Variants in TRIM60 observed in about 807,000 individuals in gnomAD.
The protein encoded by TRIM60 is tripartite motif-containing protein 60.
For synonymous variants in TRIM60, 189 were observed against 195.2 expected (o/e 0.97, Z 0.27); for missense variants, 524 against 540.8 (o/e 0.97, Z 0.31).
At position 165,041,507 on chromosome 4, in the gene TRIM60, T is replaced by C; in HGVS notation, c.*19T>C. ...AAGATAAGGAACTGGTAAATGGGTC[T>C]GTTTCAGTTTTTGTAGGTAACTTAG... On this transcript the variant is annotated 3_prime_UTR_variant, in exon 3 of 3. Transcript: ENST00000512596. 1.4e-6 allele frequency: 2 copies of C among 1,478,066 alleles called. No individual in the cohort carries two copies. Among genetic ancestry groups the C allele is most frequent in the Non-Finnish European group, 1.8e-6 (2 of 1,105,682 alleles). 91.6% of individuals were successfully genotyped at this position (1,478,066 alleles called of 1,614,324 possible). A position where few individuals can be genotyped will look rare whatever the true frequency, so the allele number is the denominator to read the frequency against.
At position 165,038,544 on chromosome 4, in the gene TRIM60, A is replaced by G. The variant is rs28545643; in HGVS notation, c.-56-657A>G. Reference sequence around the variant, plus strand: ...AAAAATTAGCTGGGCCTGGTGGCACAAGCCTGTGGTCGTGGTTACTCTGCA... The same window carrying G: ...AAAAATTAGCTGGGCCTGGTGGCACGAGCCTGTGGTCGTGGTTACTCTGCA... On this transcript the variant is annotated intron_variant, in intron 1 of 2. Transcript: ENST00000512596. Among the ~76,000 whole-genome samples, 380 of 151,610 alleles carry G rather than the reference A, an allele frequency of 2.5e-3. 2 individuals are homozygous for G. Among genetic ancestry groups the G allele is most frequent in the African/African-American group, 8.7e-3 (360 of 41,270 alleles).
intron 1 of TRIM60, among the ~76,000 whole-genome samples, chr4:165,036,188 CACTTGGTGA>C (rs1733618653): frequency 6.6e-6 from 1 of 152,150 alleles, no homozygotes; most frequent in Non-Finnish European, 1.5e-5. Context: ...CGCACAATAC[CACTTGGTGA>C]GCATCTGTTC....
chr4:165,033,850 G>A (rs571224973), intron 1 of TRIM60, among the ~76,000 whole-genome samples: 1 of 152,260 alleles, frequency 6.6e-6, no homozygotes, highest in Admixed American at 6.5e-5. Flanking sequence ...GGAAAGGGGT[G>A]GTTGGGTCAT....
At position 165,040,868 on chromosome 4, in the gene TRIM60, G is replaced by T. The variant is rs1455819236; in HGVS notation, c.796G>T (p.Glu266Ter). ...CAAGTATCAAAACCTAAAATGCCCT[G>T]AACTCTTTTCATTTAGATTAACAAA... ...HHKYQNLKCP[E>*]LFSFRLTKYG... The change falls in exon 3 of 3, where the codon GAA becomes TAA. Residue 266 changes from glutamate to a stop codon, truncating the protein, a stop_gained. Coordinates refer to ENST00000512596, the MANE Select transcript of TRIM60 (RefSeq NM_152620.3). LOFTEE classifies it low-confidence loss of function (END_TRUNC). The T allele has an allele frequency of 6.2e-7, 1 of 1,613,136 alleles. No individual in the cohort carries two copies. Among genetic ancestry groups the T allele is most frequent in the Non-Finnish European group, 8.5e-7 (1 of 1,179,612 alleles).
At position 165,040,990 on chromosome 4, in the gene TRIM60, T is replaced by G. The variant is rs759012333; in HGVS notation, c.918T>G (p.Pro306=). 26 of 1,614,000 alleles carry G rather than the reference T, an allele frequency of 1.6e-5. No individual in the cohort carries two copies. The highest frequency in any genetic ancestry group is 2.1e-5 in the Non-Finnish European group (25 of 1,179,970). ...DVILDLNTAH[P]QLLVSEDRKA... ...TTCTAGATCTCAACACAGCACATCC[T>G]CAACTTCTTGTCTCTGAGGATAGAA... is the stretch of plus-strand genomic sequence containing the variant. The change falls in exon 3 of 3, where the codon CCT becomes CCG. Residue 306 remains proline (P), a synonymous_variant. Transcript: ENST00000512596.
At chr4:165,032,795 C>T (rs1000905941) in intron 1 of TRIM60, among the ~76,000 whole-genome samples, 1 of 152,154 alleles carries the variant, frequency 6.6e-6, no homozygotes. Flanking sequence ...ACTTACGTTT[C>T]GTATCATCTA....
intron 1 of TRIM60, among the ~76,000 whole-genome samples, chr4:165,038,024 T>A (rs745953042): frequency 8.5e-5 from 13 of 152,116 alleles, no homozygotes; most frequent in Non-Finnish European, 1.6e-4. Flanking sequence ...AGATTATGAT[T>A]GAGTTCTATG....
chr4:165,038,196 G>C (rs1733666978), intron 1 of TRIM60, among the ~76,000 whole-genome samples: 1 of 152,154 alleles, frequency 6.6e-6, no homozygotes, highest in Non-Finnish European at 1.5e-5. Context: ...TATTTCCTAA[G>C]AATGAGGACA....
chr4:165,037,516 G>T (rs1196241647), intron 1 of TRIM60, among the ~76,000 whole-genome samples: 1 of 151,796 alleles, frequency 6.6e-6, no homozygotes, highest in South Asian at 2.1e-4. Context: ...GTAGAGATGG[G>T]GATTCACCAT....
At chr4:165,035,354 G>A (rs530473258) in intron 1 of TRIM60, among the ~76,000 whole-genome samples, 107 of 152,208 alleles carry the variant, frequency 7.0e-4, no homozygotes, top group Admixed American at 3.1e-3. Context: ...GCGAACCACC[G>A]TGCCTGGCCA....
At chr4:165,036,829 C>T (rs375892383) in intron 1 of TRIM60, among the ~76,000 whole-genome samples, 10 of 148,728 alleles carry the variant, frequency 6.7e-5, no homozygotes, top group African/African-American at 1.7e-4. Flanking sequence ...TGCAGTGAGC[C>T]GAGATCGTGC....
chr4:165,041,244 A>T lies in TRIM60; in HGVS notation c.1172A>T (p.Tyr391Phe). ...GGCGGATTCTGGGCAATTGGGCGAT[A>T]CATGAAGAGTGGTTATGTTGCGTCA... ...VLGGFWAIGR[Y>F]MKSGYVASGP... Residue 391 changes from tyrosine to phenylalanine, a missense_variant, in exon 3 of 3, where the codon TAC becomes TTC. Transcript: ENST00000512596. The T allele has an allele frequency of 1.2e-6, 2 of 1,614,224 alleles. No individual in the cohort carries two copies. The highest frequency in any genetic ancestry group is 1.7e-6 in the Non-Finnish European group (2 of 1,180,038).
intron 1 of TRIM60, among the ~76,000 whole-genome samples, chr4:165,033,618 G>A (rs1242101822): frequency 6.6e-6 from 1 of 152,206 alleles, no homozygotes; most frequent in East Asian, 1.9e-4. Flanking sequence ...TTATGGAATT[G>A]ATTGACGGGA....
rs555625087 is a variant in TRIM60 at position 165,036,924 on chromosome 4, A to G, written c.-56-2277A>G. ...AAAAAGAAAAAAAAAGACTGGGCAC[A>G]GTGGCTTACGCCTGTAATCCCAGTT... On this transcript the variant is annotated intron_variant, in intron 1 of 2. Transcript: ENST00000512596. Among the ~76,000 whole-genome samples, 6 of 151,564 alleles carry G rather than the reference A, an allele frequency of 4.0e-5. No homozygotes were observed. The East Asian group carries it at 5.9e-4, about 15-fold the overall frequency.
intron 2 of TRIM60, among the ~76,000 whole-genome samples, 188 bp from the exon 3 acceptor site, chr4:165,039,880 TC>T (rs1239801634): frequency 6.6e-6 from 1 of 151,506 alleles, no homozygotes; most frequent in Non-Finnish European, 1.5e-5. Flanking sequence ...TATATTATTA[TC>T]CTCCAAGCTA....
In TRIM60 at chr4:165,032,496, G is replaced by A. The variant is rs559056859; in HGVS notation, c.-57+384G>A. On this transcript the variant is annotated intron_variant, in intron 1 of 2. Coordinates refer to ENST00000512596, the MANE Select transcript of TRIM60 (RefSeq NM_152620.3). Reference sequence around the variant, plus strand: ...ACTTCCGACCTCAGGTGGTCCGCCCGCCTCGGCCTTCCAAAGTGCTGGGGT... The same window carrying A: ...ACTTCCGACCTCAGGTGGTCCGCCCACCTCGGCCTTCCAAAGTGCTGGGGT... Among the ~76,000 whole-genome samples, 133 of 152,274 alleles carry A rather than the reference G, an allele frequency of 8.7e-4. 3 individuals are homozygous for A. In the South Asian group the frequency reaches 0.026, roughly 30 times the overall value.
rs146539426 is a variant in TRIM60 at position 165,040,455 on chromosome 4, A to T, written c.383A>T (p.His128Leu). The T allele has an allele frequency of 1.1e-5, 17 of 1,614,118 alleles. No individual in the cohort carries two copies. The African/African-American group carries it at 1.7e-4, about 16-fold the overall frequency. The stretch of plus-strand genomic sequence containing the variant: ...AGTTTCTCCACTAAACACCAGAAGC[A>T]CTACATTTGCCCTATTAAGAAAGCT... ...QCSFSTKHQK[H>L]YICPIKKAAS... Residue 128 changes from histidine (H) to leucine (L), a missense_variant, in exon 3 of 3, where the codon CAC (histidine) becomes CTC (leucine). Coordinates refer to ENST00000512596, the MANE Select transcript of TRIM60 (RefSeq NM_152620.3).
intron 1 of TRIM60, among the ~76,000 whole-genome samples, chr4:165,035,306 C>T (rs1733595338): frequency 6.6e-6 from 1 of 152,124 alleles, no homozygotes; most frequent in African/African-American, 2.4e-5. Flanking sequence ...CTCAATTGAT[C>T]TCTTGCCTCA....
chr4:165,036,234 A>T (rs947402229), intron 1 of TRIM60, among the ~76,000 whole-genome samples: 14 of 151,088 alleles, frequency 9.3e-5, no homozygotes, highest in Non-Finnish European at 1.5e-4. Context: ...ACATCCTTAC[A>T]TTTTTTTTTC....
Sources: gnomAD v4.1 joint callset for allele counts (sites outside exome capture counted in the v4.1 genomes callset) on GRCh38, gnomAD v4.1.1 for gene constraint, MANE v1.5 for transcripts, NCBI Gene and HGNC (gene_info 2026-07-23, HGNC 2026-07-21) for gene names.